AXDND1: variants seen among roughly 807,000 people sequenced by gnomAD.
AXDND1 encodes the protein axonemal dynein light chain domain-containing protein 1.
In AXDND1, 110 loss-of-function variants were observed where a neutral mutation model predicts 137.5. That is an observed-to-expected ratio of 0.80 (90% CI 0.69 to 0.94). The LOEUF (loss-of-function observed/expected upper bound fraction) is 0.94. Among genes scored for constraint, AXDND1 ranks in the 40% least tolerant of loss-of-function variants. The pLI, the probability that AXDND1 is intolerant of heterozygous loss-of-function variation, is 0.00. For missense variants in AXDND1, 1,191 were observed against 1,169.8 expected (o/e 1.02, Z -0.26); for synonymous variants, 414 against 399.7 (o/e 1.04, Z -0.43).
At chr1:179,404,028 C>A (rs915960892) in intron 11 of AXDND1, among the ~76,000 whole-genome samples, 3 of 152,138 alleles carry the variant, frequency 2.0e-5, no homozygotes, top group Non-Finnish European at 4.4e-5. Context: ...TTTCTCTTGA[C>A]TATGAATGTG....
chr1:179,513,465 C>T (rs1669240146), intron 21 of AXDND1, among the ~76,000 whole-genome samples: 1 of 152,094 alleles, frequency 6.6e-6, no homozygotes, highest in African/African-American at 2.4e-5. Flanking sequence ...ATTCAGTTAG[C>T]GAGTATTTTG....
rs186924587 is a variant in AXDND1 at position 179,386,113 on chromosome 1, G to A, written c.863+754G>A. The stretch of plus-strand genomic sequence containing the variant: ...GTCGCCCAGGCTGGAGTGCAATGGC[G>A]CGATCTCGGCTCACTGCAACTTCTG... On this transcript the variant is annotated intron_variant, in intron 9 of 25. Transcript: ENST00000367618. 3.4e-3 allele frequency among the ~76,000 whole-genome samples: 484 copies of A among 142,060 alleles called. 4 individuals carry two copies. The highest frequency in any genetic ancestry group is 0.012 in the African/African-American group (459 of 38,036). The allele number at this position is 142,060 out of a possible 152,430, so 93.2% of individuals were successfully genotyped here.
At chr1:179,466,927 T>C (rs1663279182) in intron 16 of AXDND1, among the ~76,000 whole-genome samples, 1 of 152,166 alleles carries the variant, frequency 6.6e-6, no homozygotes, top group Admixed American at 6.5e-5. Context: ...CTGAGGGCTG[T>C]TCTATTTCTG....
chr1:179,536,917 A>G (rs1441618282), intron 25 of AXDND1, among the ~76,000 whole-genome samples: 5 of 152,070 alleles, frequency 3.3e-5, no homozygotes, highest in Admixed American at 1.3e-4. Flanking sequence ...CTCCTTGAGG[A>G]GGTTCTTCAC....
chr1:179,534,676 CA>C, intron 24 of AXDND1, 53 bp from the exon 25 acceptor site: 1 of 1,519,710 alleles, frequency 6.6e-7, no homozygotes, highest in South Asian at 1.4e-5. Flanking sequence ...GTTTCGAAAT[CA>C]AAAATACTTT....
rs1553274074 is a variant in AXDND1 at position 179,446,917 on chromosome 1, C to CA, written c.1798+1713_1798+1714insA. Among the ~76,000 whole-genome samples the CA allele has an allele frequency of 5.3e-3, 798 of 151,662 alleles. 9 individuals are homozygous for CA. Among genetic ancestry groups the CA allele is most frequent in the African/African-American group, 0.019 (774 of 41,310 alleles). On this transcript the variant is annotated intron_variant, in intron 16 of 25. Coordinates refer to ENST00000367618, the MANE Select transcript of AXDND1 (RefSeq NM_144696.6). ...AACATAATAATCTCTCTATATTTTA[C>CA]TTTTAAAAATTGATTGGAAGTGTAT...
At chr1:179,519,576 G>A (rs1011022169) in intron 21 of AXDND1, among the ~76,000 whole-genome samples, 4 of 152,146 alleles carry the variant, frequency 2.6e-5, no homozygotes, top group African/African-American at 9.7e-5. Flanking sequence ...ATGGCATAAG[G>A]AAGGGTTCCA....
chr1:179,380,207 C>A (rs929959228), intron 6 of AXDND1, among the ~76,000 whole-genome samples: 11 of 151,798 alleles, frequency 7.2e-5, no homozygotes, highest in African/African-American at 2.7e-4. Context: ...TGAGATCGCG[C>A]CACTGCACTC....
intron 18 of AXDND1, among the ~76,000 whole-genome samples, chr1:179,486,188 G>A (rs1051452233): frequency 6.9e-6 from 1 of 144,634 alleles, no homozygotes; most frequent in African/African-American, 2.5e-5. Flanking sequence ...TAATGCAATT[G>A]CAAGTATTAA....
At chr1:179,369,611 C>T (rs1347055304) in intron 3 of AXDND1, among the ~76,000 whole-genome samples, 1 of 151,936 alleles carries the variant, frequency 6.6e-6, no homozygotes, top group Non-Finnish European at 1.5e-5. Context: ...GAGATTGCGC[C>T]ATTGCCCTCC....
intron 25 of AXDND1, among the ~76,000 whole-genome samples, chr1:179,536,213 T>C (rs1435805740): frequency 1.3e-5 from 2 of 152,252 alleles, no homozygotes; most frequent in Non-Finnish European, 1.5e-5. Context: ...CTCTTTAGTT[T>C]AATTAGATCC....
chr1:179,469,761 A>C (rs1663691012), intron 17 of AXDND1, among the ~76,000 whole-genome samples: 1 of 152,128 alleles, frequency 6.6e-6, no homozygotes, highest in South Asian at 2.1e-4. Context: ...TTTGATTCAC[A>C]TTTCCCTAAT....
At chr1:179,385,411 T>C (rs1353660875) in intron 9 of AXDND1, 52 bp downstream of exon 9, 1 of 1,601,904 alleles carries the variant, frequency 6.2e-7, no homozygotes, top group South Asian at 1.1e-5. Flanking sequence ...TTATATTAGA[T>C]TTGTCTTTAT....
chr1:179,551,917 C>T (rs2125768212), intron 25 of AXDND1: 1 of 187,898 alleles, frequency 5.3e-6, no homozygotes, highest in East Asian at 1.4e-4. Flanking sequence ...AAGCAACTGC[C>T]CTGGGGACTA....
At chr1:179,473,577 C>T (rs1036551430) in intron 17 of AXDND1, among the ~76,000 whole-genome samples, 2 of 152,088 alleles carry the variant, frequency 1.3e-5, no homozygotes, top group African/African-American at 2.4e-5. Context: ...AGTTTGATTC[C>T]TTTTCCCACC....
intron 12 of AXDND1, among the ~76,000 whole-genome samples, chr1:179,420,876 C>A (rs1333974321): frequency 6.6e-6 from 1 of 152,152 alleles, no homozygotes; most frequent in East Asian, 1.9e-4. Flanking sequence ...CTGCCCCACC[C>A]TCCCAAGGTA....
chr1:179,367,614 G>T (rs1667588137), intron 2 of AXDND1, among the ~76,000 whole-genome samples: 1 of 152,104 alleles, frequency 6.6e-6, no homozygotes, highest in African/African-American at 2.4e-5. Context: ...GCACTCGCCT[G>T]TAATCCCAGC....
At chr1:179,507,361 G>A (rs1232525818) in intron 20 of AXDND1, among the ~76,000 whole-genome samples, 2 of 152,130 alleles carry the variant, frequency 1.3e-5, no homozygotes, top group African/African-American at 4.8e-5. Context: ...GAAGTCTTAT[G>A]ACAGTATCTC....
rs909103268 is a variant in AXDND1, at chr1:179,554,648, A to G, written c.*129A>G. ...ACAACATTCCCTTTGAAAGGACATT[A>G]TTTGCCTGTTGTATTTAACTTCACA... is the stretch of plus-strand genomic sequence containing the variant. On this transcript the variant is annotated 3_prime_UTR_variant, in exon 26 of 26. Transcript: ENST00000367618. 7.0e-7 allele frequency: 1 copy of G among 1,420,382 alleles called. No homozygotes were observed. Among genetic ancestry groups the G allele is most frequent in the African/African-American group, 1.4e-5 (1 of 70,962 alleles). The allele number at this position is 1,420,382 out of a possible 1,614,324, so 88.0% of individuals were successfully genotyped here.
Sources: allele counts gnomAD v4.1 joint callset (sites outside exome capture counted in the v4.1 genomes callset), GRCh38; gene constraint gnomAD v4.1.1; transcripts MANE v1.5; gene names NCBI Gene and HGNC (gene_info 2026-07-23, HGNC 2026-07-21).